The following NPAS3 variants were observed in gnomAD, a reference collection of about 807,000 sequenced individuals.
The protein encoded by NPAS3 is neuronal PAS domain-containing protein 3.
NPAS3 carries 14 observed loss-of-function variants against 73.1 expected under a neutral mutation model. The ratio of observed to expected loss-of-function variants is 0.19; its 90% CI spans 0.13 to 0.30. The LOEUF is 0.30. Ranked by LOEUF, NPAS3 falls within the 10% of genes least tolerant of loss-of-function variation. NPAS3 has a pLI of 1.00. For missense variants in NPAS3, 1,096 were observed against 1,250.0 expected (o/e 0.88, Z 1.86); for synonymous variants, 620 against 541.5 (o/e 1.14, Z -2.01).
rs545347424 is a variant in NPAS3, at chr14:33,369,653, C to T, written c.468+2385C>T. ...TTGCACTATGTAATCTTATAATTGCCACAGAAACTAGAACTTTTGGTATAA... is the reference window on the plus strand; with the variant it reads ...TTGCACTATGTAATCTTATAATTGCTACAGAAACTAGAACTTTTGGTATAA... On this transcript the variant is annotated intron_variant, in intron 4 of 11. Coordinates refer to ENST00000356141, the Ensembl canonical transcript of NPAS3. Among the ~76,000 whole-genome samples, 21 of 152,120 alleles carry T rather than the reference C, an allele frequency of 1.4e-4. 1 individual carries two copies. The South Asian group carries it at 4.4e-3, about 32-fold the overall frequency.
chr14:33,470,631 G>C (rs1407583323), intron 4 of NPAS3, among the ~76,000 whole-genome samples: 1 of 152,128 alleles, frequency 6.6e-6, no homozygotes, highest in East Asian at 1.9e-4. Context: ...CATATGTAAG[G>C]TGGTTCATTT....
At chr14:33,092,650 C>T (rs191427963) in intron 2 of NPAS3, among the ~76,000 whole-genome samples, 12 of 152,250 alleles carry the variant, frequency 7.9e-5, no homozygotes, top group Middle Eastern at 3.4e-3. Context: ...AAAAAGAGCC[C>T]GCATTGCCAA....
At position 33,080,406 on chromosome 14, in the gene NPAS3, C is replaced by A. The variant is rs184009007; in HGVS notation, c.140+24412C>A. Among the ~76,000 whole-genome samples, 247 of 152,278 alleles carry A rather than the reference C, an allele frequency of 1.6e-3. 1 individual carries two copies. Among genetic ancestry groups the A allele is most frequent in the African/African-American group, 5.6e-3 (232 of 41,556 alleles). On this transcript the variant is annotated intron_variant, in intron 2 of 11. Coordinates refer to ENST00000356141, the Ensembl canonical transcript of NPAS3. ...CAGGCGTGAGCCACCGCGCCCGGCCCCAGTCTGATTTTTTTAGGGGAATAA... is the reference window on the plus strand; with the variant it reads ...CAGGCGTGAGCCACCGCGCCCGGCCACAGTCTGATTTTTTTAGGGGAATAA...
intron 1 of NPAS3, among the ~76,000 whole-genome samples, chr14:33,048,021 G>C (rs943615618): frequency 2.6e-5 from 4 of 152,166 alleles, no homozygotes; most frequent in African/African-American, 9.7e-5. Flanking sequence ...TTTGCTGGTA[G>C]GAATAATAGT....
intron 4 of NPAS3, among the ~76,000 whole-genome samples, chr14:33,411,212 G>A (rs1041927608): frequency 3.9e-5 from 6 of 152,050 alleles, no homozygotes; most frequent in Admixed American, 1.3e-4. Flanking sequence ...TTTTTGAGAC[G>A]GAGTCTCACT....
At chr14:33,093,849 C>G (rs1336826570) in intron 2 of NPAS3, among the ~76,000 whole-genome samples, 1 of 152,026 alleles carries the variant, frequency 6.6e-6, no homozygotes. Context: ...AACCATCATT[C>G]TGAGCAAAGT....
At chr14:33,243,293 CTT>C (rs2048269414) in intron 3 of NPAS3, among the ~76,000 whole-genome samples, 1 of 152,068 alleles carries the variant, frequency 6.6e-6, no homozygotes, top group Non-Finnish European at 1.5e-5. Context: ...ATATCTATCT[CTT>C]TACATATAAT....
chr14:33,554,182 C>T (rs1217963827), intron 4 of NPAS3, among the ~76,000 whole-genome samples: 2 of 152,216 alleles, frequency 1.3e-5, no homozygotes, highest in African/African-American at 4.8e-5. Flanking sequence ...GCAGTTTTCT[C>T]ACAGAGCCTC....
At chr14:33,574,706 A>G (rs2056362887) in intron 5 of NPAS3, among the ~76,000 whole-genome samples, 1 of 152,300 alleles carries the variant, frequency 6.6e-6, no homozygotes, top group Middle Eastern at 3.4e-3. Flanking sequence ...ATATATTTAA[A>G]GACTCAAGAG....
At chr14:33,327,446 T>G (rs1054832857) in intron 3 of NPAS3, among the ~76,000 whole-genome samples, 2 of 152,212 alleles carry the variant, frequency 1.3e-5, no homozygotes, top group African/African-American at 4.8e-5. Flanking sequence ...ATTCTGATGC[T>G]AGGTTAGATG....
chr14:33,651,641 C>A (rs1298279464), intron 5 of NPAS3, among the ~76,000 whole-genome samples: 1 of 152,010 alleles, frequency 6.6e-6, no homozygotes, highest in African/African-American at 2.4e-5. Flanking sequence ...AGACTTGTAC[C>A]TTTTCTCTAT....
chr14:33,788,408 T>C (rs1018337182), intron 9 of NPAS3, among the ~76,000 whole-genome samples: 1 of 152,332 alleles, frequency 6.6e-6, no homozygotes, highest in African/African-American at 2.4e-5. Context: ...TTCCTATTTA[T>C]TCTATACTTA....
chr14:33,330,894 A>G (rs1201058245), intron 3 of NPAS3, among the ~76,000 whole-genome samples: 2 of 152,246 alleles, frequency 1.3e-5, no homozygotes, highest in Non-Finnish European at 2.9e-5. Context: ...ACTTATTTAT[A>G]AAGAATAATT....
intron 4 of NPAS3, among the ~76,000 whole-genome samples, chr14:33,375,668 T>C (rs2046283090): frequency 1.3e-5 from 2 of 152,190 alleles, no homozygotes; most frequent in Admixed American, 1.3e-4. Flanking sequence ...TTTAAGTCTG[T>C]TGTTCACCTC....
intron 3 of NPAS3, among the ~76,000 whole-genome samples, chr14:33,307,957 C>T (rs1019433736): frequency 3.3e-5 from 5 of 152,146 alleles, no homozygotes; most frequent in African/African-American, 1.2e-4. Flanking sequence ...AGCGCCACAT[C>T]CTCCCTTCAT....
intron 1 of NPAS3, among the ~76,000 whole-genome samples, chr14:33,009,723 A>C (rs961277372): frequency 6.6e-6 from 1 of 152,172 alleles, no homozygotes; most frequent in African/African-American, 2.4e-5. Context: ...TCTTCATTAT[A>C]AAGGTGAGGA....
chr14:33,201,618 C>A (rs906308164), intron 2 of NPAS3, among the ~76,000 whole-genome samples: 1 of 152,208 alleles, frequency 6.6e-6, no homozygotes, highest in Non-Finnish European at 1.5e-5. Flanking sequence ...AGGCAGGCAA[C>A]AGGATATCTG....
chr14:33,624,647 G>C (rs2058172543), intron 5 of NPAS3, among the ~76,000 whole-genome samples: 1 of 150,614 alleles, frequency 6.6e-6, no homozygotes, highest in South Asian at 2.1e-4. Context: ...TTGATACATA[G>C]AAAAAAGTTT....
intron 3 of NPAS3, among the ~76,000 whole-genome samples, chr14:33,359,985 C>G (rs1017789542): frequency 1.3e-5 from 2 of 152,194 alleles, no homozygotes; most frequent in African/African-American, 4.8e-5. Flanking sequence ...ACTCAGAAAG[C>G]AGAGCACCTT....
Sources: allele counts gnomAD v4.1 joint callset (sites outside exome capture counted in the v4.1 genomes callset), GRCh38; gene constraint gnomAD v4.1.1; transcripts MANE v1.5; gene names NCBI Gene and HGNC (gene_info 2026-07-23, HGNC 2026-07-21).